Variants in TET2 observed in about 807,000 individuals in gnomAD.
TET2 encodes tet methylcytosine dioxygenase 2.
In TET2, 299 loss-of-function variants were observed where a neutral mutation model predicts 142.9. The observed-to-expected ratio is 2.09, with a 90% CI of 1.90 to 2.30. The LOEUF (loss-of-function observed/expected upper bound fraction) is 2.30, where lower values mean the gene tolerates loss of function less well. TET2 is among the 30% of genes most tolerant of loss of function. The pLI is 0.00. For synonymous variants in TET2, 819 were observed against 849.0 expected (o/e 0.96, Z 0.61); for missense variants, 2,418 against 2,378.0 (o/e 1.02, Z -0.35).
chr4:105,207,576 G>A (rs1290994677), intron 2 of TET2, among the ~76,000 whole-genome samples: 4 of 152,002 alleles, frequency 2.6e-5, no homozygotes, highest in African/African-American at 7.2e-5. Context: ...ATCATAAAAG[G>A]AACTGGAAAG....
rs758695836 is a variant in TET2 at position 105,234,337 on chromosome 4, A to ATCCAGGTGAAAGCAGTCAACCAAAT, written c.396_420dup (p.Val141SerfsTer3). On this transcript the variant is annotated frameshift_variant, in exon 3 of 11. Transcript: ENST00000380013. LOFTEE classifies it high-confidence loss of function. Reference sequence around the variant, plus strand: ...AACTTCGGGGTAAGCCAAGAAAGAAATCCAGGTGAAAGCAGTCAACCAAAT... The same window carrying ATCCAGGTGAAAGCAGTCAACCAAAT: ...AACTTCGGGGTAAGCCAAGAAAGAAATCCAGGTGAAAGCAGTCAACCAAATTCCAGGTGAAAGCAGTCAACCAAAT... 6.2e-7 allele frequency: 1 copy of ATCCAGGTGAAAGCAGTCAACCAAAT among 1,614,114 alleles called. No individual in the cohort carries two copies. The highest frequency in any genetic ancestry group is 2.2e-5 in the East Asian group (1 of 44,836).
rs539998838 is a variant in TET2, at chr4:105,279,543, A to G, written c.*3024A>G. 1.7e-5 allele frequency: 4 copies of G among 232,536 alleles called. No individual in the cohort carries two copies. Among genetic ancestry groups the G allele is most frequent in the Non-Finnish European group, 3.4e-5 (4 of 117,712 alleles). 14.4% of individuals were successfully genotyped at this position (232,536 alleles called of 1,614,324 possible). A position where few individuals can be genotyped will look rare whatever the true frequency, so the allele number is the denominator to read the frequency against. ...TGATGTACAGTTCACTTCTGAAGCT[A>G]GTGGTTAACTTGTGTAGGAAACTTT... On this transcript the variant is annotated 3_prime_UTR_variant, in exon 11 of 11. Transcript: ENST00000380013.
intron 6 of TET2, among the ~76,000 whole-genome samples, chr4:105,245,115 C>G (rs1169418452): frequency 2.6e-5 from 4 of 152,174 alleles, no homozygotes; most frequent in Non-Finnish European, 5.9e-5. Flanking sequence ...CACAGTTTCT[C>G]TCTCTGGGTT....
intron 2 of TET2, among the ~76,000 whole-genome samples, chr4:105,215,345 T>C (rs1727431851): frequency 6.6e-6 from 1 of 152,166 alleles, no homozygotes; most frequent in Non-Finnish European, 1.5e-5. Context: ...TGTAATAACA[T>C]CTTACAATCA....
chr4:105,167,917 A>G (rs1724250477), intron 1 of TET2, among the ~76,000 whole-genome samples: 1 of 152,218 alleles, frequency 6.6e-6, no homozygotes, highest in Admixed American at 6.5e-5. Flanking sequence ...TAAGGAATGA[A>G]GGAAACACTA....
At chr4:105,232,230 G>T (rs1728550576) in intron 2 of TET2, among the ~76,000 whole-genome samples, 1 of 152,150 alleles carries the variant, frequency 6.6e-6, no homozygotes, top group South Asian at 2.1e-4. Context: ...GTATTCCATG[G>T]TGTATATGTA....
rs569213978 is a variant in TET2, at chr4:105,211,145, T to C, written c.-47+20640T>C. The stretch of plus-strand genomic sequence containing the variant: ...GTGCCTTTTGTACTTTTGTTCCCTC[T>C]AGCTGAATCATTCTTCCAGGTCATT... On this transcript the variant is annotated intron_variant, in intron 2 of 10. Coordinates refer to ENST00000380013, the MANE Select transcript of TET2 (RefSeq NM_001127208.3). 6.5e-4 allele frequency among the ~76,000 whole-genome samples: 99 copies of C among 152,356 alleles called. 3 individuals are homozygous for C. The South Asian group carries it at 0.02, about 30-fold the overall frequency.
At position 105,275,224 on chromosome 4, in the gene TET2, C is replaced by T. The variant is rs764470309; in HGVS notation, c.4714C>T (p.Arg1572Trp). ...ASGSTNPYMR[R>W]PNPVSPYPNS... ...TGGATCCACCAATCCATACATGAGA[C>T]GGCCCAATCCAGTTAGTCCTTATCC... The change falls in exon 11 of 11, where the codon CGG (arginine) becomes TGG (tryptophan). Residue 1572 changes from arginine to tryptophan, a missense_variant. Arg to Trp is a moderately radical substitution (Grantham distance 101, BLOSUM62 -3). Transcript: ENST00000380013. 39 of 1,552,204 alleles carry T rather than the reference C, an allele frequency of 2.5e-5. No homozygotes were observed. The highest frequency in any genetic ancestry group is 9.5e-5 in the South Asian group (8 of 84,068).
chr4:105,266,716 GAA>G (rs769708702), intron 8 of TET2, among the ~76,000 whole-genome samples: 2 of 151,414 alleles, frequency 1.3e-5, no homozygotes, highest in Non-Finnish European at 2.9e-5. Context: ...TCAGTATAAA[GAA>G]AAAACTGAAA....
At chr4:105,160,452 G>C (rs1052930493) in intron 1 of TET2, among the ~76,000 whole-genome samples, 1 of 152,200 alleles carries the variant, frequency 6.6e-6, no homozygotes, top group Admixed American at 6.5e-5. Context: ...AACAGAATTT[G>C]AGTTCTTTTT....
At position 105,236,585 on chromosome 4, in the gene TET2, G is replaced by A. The variant is rs1485165780; in HGVS notation, c.2643G>A (p.Arg881=). The A allele has an allele frequency of 1.2e-6, 2 of 1,614,048 alleles. No homozygotes were observed. Among genetic ancestry groups the A allele is most frequent in the Non-Finnish European group, 8.5e-7 (1 of 1,180,000 alleles). Residue 881 remains arginine (R), a synonymous_variant, in exon 3 of 11, where the codon AGG becomes AGA. Coordinates refer to ENST00000380013, the MANE Select transcript of TET2 (RefSeq NM_001127208.3). ...NVIPKQDLLH[R]CFQEQEQKSQ... ...TCCCAAAGCAAGATCTTCTTCACAG[G>A]TGCTTTCAAGAACAGGAGCAGAAGT...
At chr4:105,250,264 T>A in intron 6 of TET2, among the ~76,000 whole-genome samples, 1 of 152,162 alleles carries the variant, frequency 6.6e-6, no homozygotes, top group East Asian at 1.9e-4. Flanking sequence ...TTCCTGTAGT[T>A]TTGTAGTAAA....
chr4:105,277,444 A>G lies in TET2; in HGVS notation c.*925A>G, dbSNP rs982793958. 25 of 226,386 alleles carry G rather than the reference A, an allele frequency of 1.1e-4. No homozygotes were observed. Among genetic ancestry groups the G allele is most frequent in the Non-Finnish European group, 6.1e-5 (7 of 113,878 alleles). The allele number at this position is 226,386 out of a possible 1,614,324, so 14.0% of individuals were successfully genotyped here. On this transcript the variant is annotated 3_prime_UTR_variant, in exon 11 of 11. Coordinates refer to ENST00000380013, the MANE Select transcript of TET2 (RefSeq NM_001127208.3). ...CACTTTGTCTACCTAAGCTTTGACA[A>G]CTTGAACAATGCTAAGGTACTGAGA...
rs566020246 is a variant in TET2, at chr4:105,276,069, C to T, written c.5559C>T (p.Ser1853=). 39 of 1,551,694 alleles carry T rather than the reference C, an allele frequency of 2.5e-5. No homozygotes were observed. The East Asian group carries it at 9.0e-4, about 36-fold the overall frequency. ...NDEVWSDSEQ[S]FLDPDIGGVA... ...AGGTCTGGTCAGACAGCGAGCAGAG[C>T]TTTCTGGATCCTGACATTGGGGGAG... is the stretch of plus-strand genomic sequence containing the variant. Residue 1853 remains serine (S), a synonymous_variant, in exon 11 of 11, where the codon AGC becomes AGT. Coordinates refer to ENST00000380013, the MANE Select transcript of TET2 (RefSeq NM_001127208.3).
intron 1 of TET2, among the ~76,000 whole-genome samples, chr4:105,181,430 G>A (rs1314291126): frequency 1.3e-5 from 2 of 152,144 alleles, no homozygotes; most frequent in Non-Finnish European, 2.9e-5. Flanking sequence ...ATAGACAACC[G>A]ACTCTTCTTT....
chr4:105,242,101 A>G (rs1729335966), intron 4 of TET2: 1 of 1,194,158 alleles, frequency 8.4e-7, no homozygotes, highest in Admixed American at 4.5e-5. Context: ...ATTAAGAGGT[A>G]GGCAGTATTA....
At chr4:105,215,990 C>A (rs1727469342) in intron 2 of TET2, among the ~76,000 whole-genome samples, 3 of 152,168 alleles carry the variant, frequency 2.0e-5, no homozygotes, top group Admixed American at 2.0e-4. Flanking sequence ...AGTACCTTTT[C>A]TATTAAGAGA....
At chr4:105,217,765 A>G (rs539264878) in intron 2 of TET2, among the ~76,000 whole-genome samples, 94 of 152,178 alleles carry the variant, frequency 6.2e-4, no homozygotes, top group African/African-American at 2.1e-3. Context: ...AGTCCCATAG[A>G]TAGATATCAC....
intron 1 of TET2, among the ~76,000 whole-genome samples, chr4:105,184,603 C>G (rs1232017818): frequency 6.6e-6 from 1 of 152,158 alleles, no homozygotes; most frequent in African/African-American, 2.4e-5. Context: ...ACTTTGACTA[C>G]TGTAGTGGTT....
Sources: gnomAD v4.1 joint callset for allele counts (sites outside exome capture counted in the v4.1 genomes callset) on GRCh38, gnomAD v4.1.1 for gene constraint, MANE v1.5 for transcripts, NCBI Gene and HGNC (gene_info 2026-07-23, HGNC 2026-07-21) for gene names.